Variants in DCTN2 observed in about 807,000 individuals in gnomAD.
DCTN2 encodes 50 kDa dynein-associated polypeptide.
DCTN2 carries 18 observed loss-of-function variants against 55.4 expected under a neutral mutation model. That is an observed-to-expected ratio of 0.32 (90% confidence interval 0.22 to 0.48). DCTN2 has a LOEUF of 0.48. DCTN2 is among the 20% of genes least tolerant of loss of function. DCTN2 has a pLI of 0.99. For missense variants in DCTN2, 390 were observed against 491.0 expected (o/e 0.79, Z 1.94); for synonymous variants, 168 against 185.2 (o/e 0.91, Z 0.76).
At position 57,532,310 on chromosome 12, in the gene DCTN2, G is replaced by A; in HGVS notation, c.930C>T (p.His310=). The part of the protein sequence containing the change: ...VEDADTQSKV[H]QLYETIQRWS... The stretch of plus-strand genomic sequence containing the variant: ...AGCGCTGTATAGTTTCATATAGCTG[G>A]TGCACCTGAAGGGACACAATGGGGC... Residue 310 remains histidine, a synonymous_variant, in exon 12 of 14, where the codon CAC becomes CAT. Transcript: ENST00000548249. The A allele has an allele frequency of 6.4e-7, 1 of 1,559,188 alleles. No individual in the cohort carries two copies. Among genetic ancestry groups the A allele is most frequent in the African/African-American group, 1.4e-5 (1 of 73,454 alleles).
chr12:57,530,864 A>G, intron 13 of DCTN2, 89 bp from the exon 14 acceptor site: 1 of 1,122,036 alleles, frequency 8.9e-7, no homozygotes, highest in South Asian at 1.3e-5. Flanking sequence ...GAGAGAAGAC[A>G]AGAAATGGAA....
chr12:57,535,895 A>T (rs564048524), intron 2 of DCTN2, 50 bp from the exon 3 acceptor site: 206 of 1,420,284 alleles, frequency 1.5e-4, no homozygotes, highest in Middle Eastern at 1.0e-3. Flanking sequence ...CCCACTCTAG[A>T]ACTTACTCTA....
At chr12:57,541,400 G>C (rs961046102) in intron 2 of DCTN2, 1 of 1,599,030 alleles carries the variant, frequency 6.3e-7, no homozygotes, top group Non-Finnish European at 8.5e-7. Context: ...TGGTGAGGAG[G>C]GAGGATGGGG....
chr12:57,535,946 T>A, intron 2 of DCTN2, 101 bp from the exon 3 acceptor site: 1 of 909,196 alleles, frequency 1.1e-6, no homozygotes, highest in Non-Finnish European at 1.7e-6. Flanking sequence ...TGGGCCCTAC[T>A]TGTCCAAGGG....
intron 2 of DCTN2, 129 bp from the exon 3 acceptor site, chr12:57,535,974 A>C (rs1880201027): frequency 7.0e-6 from 5 of 712,870 alleles, no homozygotes; most frequent in Non-Finnish European, 1.2e-5. Context: ...GGGTGGCTCT[A>C]TTCCAAGGCG....
At chr12:57,535,333 T>G (rs1050603450) in intron 4 of DCTN2, 151 bp downstream of exon 4, 3 of 1,104,558 alleles carry the variant, frequency 2.7e-6, no homozygotes, top group African/African-American at 3.1e-5. Flanking sequence ...CAAACAGCAG[T>G]AGGGCAGAGT....
intron 13 of DCTN2, 69 bp from the exon 14 acceptor site, chr12:57,530,844 A>G: frequency 7.6e-7 from 1 of 1,311,192 alleles, no homozygotes; most frequent in South Asian, 1.2e-5. Context: ...GACCTGAAGG[A>G]ATTCTCTGAG....
rs571117559 is a variant in DCTN2, at chr12:57,532,470, T to C, written c.924+102A>G. On this transcript the variant is annotated intron_variant, in intron 11 of 13. Transcript: ENST00000548249. ...CTGATAAGCTCTTCATAAGAGCTTA[T>C]GAAGATGGGGACCTGAGGAGTCAGT... 1.4e-5 allele frequency: 19 copies of C among 1,398,252 alleles called. No homozygotes were observed. In the East Asian group the frequency reaches 3.6e-4, roughly 27 times the overall value. 86.6% of individuals were successfully genotyped at this position (1,398,252 alleles called of 1,614,324 possible). A position where few individuals can be genotyped will look rare whatever the true frequency, so the allele number is the denominator to read the frequency against.
intron 2 of DCTN2, among the ~76,000 whole-genome samples, chr12:57,539,317 A>G (rs1238389146): frequency 2.0e-5 from 3 of 152,222 alleles, no homozygotes; most frequent in African/African-American, 7.2e-5. Context: ...GATCTAGAGC[A>G]ATTCTGCCAT....
intron 2 of DCTN2, among the ~76,000 whole-genome samples, chr12:57,536,783 C>T (rs1488377308): frequency 6.6e-6 from 1 of 152,096 alleles, no homozygotes; most frequent in African/African-American, 2.4e-5. Flanking sequence ...GCACCAAGCA[C>T]TCCTGACTGC....
At chr12:57,535,369 C>T (rs888830572) in intron 4 of DCTN2, 115 bp downstream of exon 4, 3 of 1,381,612 alleles carry the variant, frequency 2.2e-6, no homozygotes, top group Non-Finnish European at 3.0e-6. Context: ...CTGCTGCTTC[C>T]TCAGGAACAG....
At chr12:57,543,905 C>T (rs984470348) in intron 2 of DCTN2, 1 of 1,087,766 alleles carries the variant, frequency 9.2e-7, no homozygotes. Context: ...TGTTCAGGCT[C>T]TGGGGGAGAA....
At chr12:57,546,402 TC>T (rs1025638433) in intron 1 of DCTN2, among the ~76,000 whole-genome samples, 2 of 151,984 alleles carry the variant, frequency 1.3e-5, no homozygotes, top group African/African-American at 4.8e-5. Flanking sequence ...GTGAAGGCTA[TC>T]CTCCAATTAG....
intron 2 of DCTN2, 112 bp from the exon 3 acceptor site, chr12:57,535,957 G>A (rs1365384979): frequency 3.7e-6 from 3 of 818,610 alleles, no homozygotes; most frequent in Non-Finnish European, 6.0e-6. Flanking sequence ...TGTCCAAGGG[G>A]AAAGAAGGGT....
At chr12:57,539,965 G>A in intron 2 of DCTN2, 3 of 362,104 alleles carry the variant, frequency 8.3e-6, no homozygotes, top group Non-Finnish European at 1.2e-5. Flanking sequence ...GGTGGAGGTT[G>A]CAGTTGAACC....
chr12:57,531,902 C>G, intron 13 of DCTN2, 113 bp downstream of exon 13: 1 of 1,469,398 alleles, frequency 6.8e-7, no homozygotes. Context: ...CCAGACCAAC[C>G]CCCTGCCACA....
intron 4 of DCTN2, 149 bp from the exon 5 acceptor site, chr12:57,535,303 G>T: frequency 1.0e-6 from 1 of 983,286 alleles, no homozygotes; most frequent in Non-Finnish European, 1.5e-6. Flanking sequence ...GACAGCTAGA[G>T]GGCTGGAGGC....
In DCTN2 at chr12:57,530,191, A is replaced by G. The variant is rs1009791235; in HGVS notation, c.*498T>C. On this transcript the variant is annotated 3_prime_UTR_variant, in exon 14 of 14. Coordinates refer to ENST00000548249, the MANE Select transcript of DCTN2 (RefSeq NM_001261413.2). ...ATTTTTTATTTAGTTCTTTGGTAAG[A>G]ACAGGTTACAATTTAAATCCATCTC... 3 of 152,706 alleles carry G rather than the reference A, an allele frequency of 2.0e-5. No homozygotes were observed. Among genetic ancestry groups the G allele is most frequent in the African/African-American group, 7.2e-5 (3 of 41,446 alleles). The allele number at this position is 152,706 out of a possible 1,614,324, so 9.5% of individuals were successfully genotyped here.
rs534089913 is a variant in DCTN2 at position 57,534,020 on chromosome 12, T to C, written c.602A>G (p.Asp201Gly). 4 of 1,613,642 alleles carry C rather than the reference T, an allele frequency of 2.5e-6. No individual in the cohort carries two copies. In the African/African-American group the frequency reaches 5.3e-5, roughly 22 times the overall value. The change falls in exon 7 of 14, where the codon GAT becomes GGT. Residue 201 changes from aspartate (D) to glycine (G), a missense_variant. Physicochemically the swap from Asp to Gly is moderately conservative, Grantham distance 94. Coordinates refer to ENST00000548249, the MANE Select transcript of DCTN2 (RefSeq NM_001261413.2). ...TAGTTCATAAGTGACAAGGCTGCTA[T>C]CTGGGGGGGTCCCAGTGGTTTTTCC... Reference protein sequence around the residue: ...SGGKTTGTPPDSSLVTYELHS... With the variant: ...SGGKTTGTPPGSSLVTYELHS...
Sources: gnomAD v4.1 joint callset for allele counts (sites outside exome capture counted in the v4.1 genomes callset) on GRCh38, gnomAD v4.1.1 for gene constraint, MANE v1.5 for transcripts, NCBI Gene and HGNC (gene_info 2026-07-23, HGNC 2026-07-21) for gene names.